Variants in GPC5 observed in about 807,000 individuals in gnomAD.
GPC5 encodes the protein glypican-5.
A neutral mutation model predicts 53.9 loss-of-function variants in GPC5; 47 were observed. The ratio of observed to expected loss-of-function variants is 0.87; its 90% CI spans 0.69 to 1.11. The LOEUF (loss-of-function observed/expected upper bound fraction) is 1.11, where lower values mean the gene tolerates loss of function less well. GPC5 is among the 50% of genes most tolerant of loss of function. The pLI, the probability that GPC5 is intolerant of heterozygous loss-of-function variation, is 0.00. For synonymous variants in GPC5, 286 were observed against 263.3 expected (o/e 1.09, Z -0.84); for missense variants, 748 against 713.1 (o/e 1.05, Z -0.56).
At chr13:91,696,484 A>G (rs1240568638) in intron 3 of GPC5, among the ~76,000 whole-genome samples, 3 of 152,200 alleles carry the variant, frequency 2.0e-5, no homozygotes, top group Non-Finnish European at 4.4e-5. Flanking sequence ...AAAGTGATTT[A>G]TAAGCTCTTT....
chr13:91,616,121 G>A (rs1282751762), intron 2 of GPC5, among the ~76,000 whole-genome samples: 1 of 152,096 alleles, frequency 6.6e-6, no homozygotes, highest in Non-Finnish European at 1.5e-5. Context: ...TCGTAGTAAG[G>A]GGGCTTATAT....
chr13:91,475,093 T>C (rs1441416155), intron 2 of GPC5, among the ~76,000 whole-genome samples: 1 of 152,194 alleles, frequency 6.6e-6, no homozygotes, highest in Non-Finnish European at 1.5e-5. Flanking sequence ...CCAGAGAAAT[T>C]AATCTTAAAT....
At chr13:91,693,110 T>C in intron 2 of GPC5, 77 bp from the exon 3 acceptor site, 1 of 1,056,048 alleles carries the variant, frequency 9.5e-7, no homozygotes, top group Non-Finnish European at 1.4e-6. Flanking sequence ...TGATGAGTCA[T>C]TTAATGTCTG....
At chr13:91,560,688 A>T (rs764836745) in intron 2 of GPC5, among the ~76,000 whole-genome samples, 4 of 152,124 alleles carry the variant, frequency 2.6e-5, no homozygotes, top group Non-Finnish European at 5.9e-5. Context: ...TCCCACAAAG[A>T]AGAATTTTCC....
rs34555495 is a variant in GPC5 at position 91,573,496 on chromosome 13, A to G, written c.326-119691A>G. The stretch of plus-strand genomic sequence containing the variant: ...AAGCTGAATATCTTTAGAGGTAGTC[A>G]TTATTTTCATTTAAAAATGTATTTA... On this transcript the variant is annotated intron_variant, in intron 2 of 7. Transcript: ENST00000377067. 1.4e-4 allele frequency among the ~76,000 whole-genome samples: 22 copies of G among 152,266 alleles called. No individual in the cohort carries two copies. The South Asian group carries it at 1.4e-3, about 10-fold the overall frequency.
At chr13:91,824,279 A>T (rs952186871) in intron 5 of GPC5, among the ~76,000 whole-genome samples, 5 of 152,064 alleles carry the variant, frequency 3.3e-5, no homozygotes, top group Non-Finnish European at 5.9e-5. Context: ...TGAGATTATA[A>T]TTGGACTATG....
At chr13:92,622,338 A>C (rs186891028) in intron 7 of GPC5, among the ~76,000 whole-genome samples, 1 of 152,136 alleles carries the variant, frequency 6.6e-6, no homozygotes, top group Non-Finnish European at 1.5e-5. Context: ...AGGGATGGTT[A>C]TAGTTGCTCT....
At chr13:92,094,437 G>A (rs1258248027) in intron 6 of GPC5, among the ~76,000 whole-genome samples, 3 of 147,346 alleles carry the variant, frequency 2.0e-5, no homozygotes, top group South Asian at 2.2e-4. Context: ...GGAAAATGGC[G>A]TTGAACCTGG....
chr13:91,931,319 A>C (rs1033189543), intron 6 of GPC5, among the ~76,000 whole-genome samples: 10 of 152,112 alleles, frequency 6.6e-5, no homozygotes, highest in African/African-American at 9.6e-5. Flanking sequence ...ATCAAAAAGC[A>C]ACTCGGTAAA....
intron 7 of GPC5, among the ~76,000 whole-genome samples, chr13:92,400,266 A>G (rs2139335568): frequency 6.6e-6 from 1 of 152,330 alleles, no homozygotes; most frequent in East Asian, 1.9e-4. Context: ...TATGCTCCAA[A>G]GTATCTAGAG....
chr13:91,971,135 A>G (rs1018971281), intron 6 of GPC5, among the ~76,000 whole-genome samples: 4 of 152,074 alleles, frequency 2.6e-5, no homozygotes, highest in Non-Finnish European at 5.9e-5. Context: ...TTATTCCCAC[A>G]ATTTCAGAGC....
chr13:92,748,346 T>TA (rs1889293201), intron 7 of GPC5, among the ~76,000 whole-genome samples: 1 of 149,304 alleles, frequency 6.7e-6, no homozygotes, highest in South Asian at 2.1e-4. Context: ...TTATTATTAT[T>TA]ATTTTGAGAT....
chr13:92,280,449 T>C (rs952201687), intron 7 of GPC5, among the ~76,000 whole-genome samples: 1 of 152,216 alleles, frequency 6.6e-6, no homozygotes, highest in South Asian at 2.1e-4. Context: ...AGTTATGTTG[T>C]CAATATCGGA....
intron 7 of GPC5, among the ~76,000 whole-genome samples, chr13:92,151,539 ATGG>A (rs2041907553): frequency 6.6e-6 from 1 of 152,180 alleles, no homozygotes; most frequent in East Asian, 1.9e-4. Flanking sequence ...TAGGCCAGTA[ATGG>A]TGGCTGATTC....
chr13:92,287,667 A>G (rs1248209646), intron 7 of GPC5, among the ~76,000 whole-genome samples: 2 of 152,118 alleles, frequency 1.3e-5, no homozygotes, highest in Non-Finnish European at 2.9e-5. Context: ...GTCCTTACAC[A>G]TGACAAGTTG....
chr13:91,786,375 C>T (rs1239937863), intron 5 of GPC5, among the ~76,000 whole-genome samples: 1 of 152,188 alleles, frequency 6.6e-6, no homozygotes, highest in Non-Finnish European at 1.5e-5. Flanking sequence ...TCCCCAGTGA[C>T]CTCTCTGATC....
At chr13:91,409,106 C>A (rs1287012847) in intron 1 of GPC5, among the ~76,000 whole-genome samples, 2 of 152,106 alleles carry the variant, frequency 1.3e-5, no homozygotes, top group Non-Finnish European at 2.9e-5. Flanking sequence ...CTTTGAATAA[C>A]TCTCTTATTC....
intron 7 of GPC5, among the ~76,000 whole-genome samples, chr13:92,623,587 T>C (rs1249799592): frequency 6.6e-6 from 1 of 152,234 alleles, no homozygotes; most frequent in Non-Finnish European, 1.5e-5. Context: ...CAAAGTTTCC[T>C]TTGTCTGCAA....
intron 2 of GPC5, among the ~76,000 whole-genome samples, chr13:91,691,313 C>T (rs1436259869): frequency 3.9e-5 from 6 of 152,260 alleles, no homozygotes; most frequent in Admixed American, 3.3e-4. Flanking sequence ...TGAACCAAGA[C>T]GAACCTACTG....
Sources: gnomAD v4.1 joint callset for allele counts (sites outside exome capture counted in the v4.1 genomes callset) on GRCh38, gnomAD v4.1.1 for gene constraint, MANE v1.5 for transcripts, NCBI Gene and HGNC (gene_info 2026-07-23, HGNC 2026-07-21) for gene names.